AGXT2: variants seen among roughly 807,000 people sequenced by gnomAD.
The protein encoded by AGXT2 is alanine--glyoxylate aminotransferase 2.
Under a neutral mutation model 62.5 loss-of-function variants are expected in AGXT2, and 61 were observed. The observed-to-expected ratio is 0.98, with a 90% CI of 0.79 to 1.21. The LOEUF (loss-of-function observed/expected upper bound fraction) is 1.21. Among genes scored for constraint, AGXT2 ranks in the 50% most tolerant of loss-of-function variants. The pLI is 0.00. For synonymous variants in AGXT2, 243 were observed against 218.7 expected, an observed-to-expected ratio of 1.11 and a Z score of -0.98; for missense variants, 666 against 641.5, an observed-to-expected ratio of 1.04 and a Z score of -0.41.
chr5:35,030,725 T>C (rs11959896), intron 7 of AGXT2, among the ~76,000 whole-genome samples: 65,504 of 151,932 alleles, frequency 0.43, 15,516 homozygotes, highest in East Asian at 0.67. Flanking sequence ...AAGAGGAACA[T>C]ATAGCAGGAA....
At chr5:35,033,582 G>A in intron 5 of AGXT2, 29 bp from the exon 6 acceptor site, 1 of 1,574,760 alleles carries the variant, frequency 6.4e-7, no homozygotes, top group Non-Finnish European at 8.7e-7. Context: ...AGGAGGATGG[G>A]GTCAAGTTCC....
At position 35,033,538 on chromosome 5, in the gene AGXT2, T is replaced by C. The variant is rs1441935001; in HGVS notation, c.597A>G (p.Gly199=). 4.3e-6 allele frequency: 7 copies of C among 1,613,610 alleles called. No individual in the cohort carries two copies. Among genetic ancestry groups the C allele is most frequent in the Non-Finnish European group, 5.9e-6 (7 of 1,179,664 alleles). Residue 199 remains glycine (G), a synonymous_variant, in exon 6 of 14, where the codon GGA becomes GGG. Transcript: ENST00000231420. ...TCAAGCCAAGTGTGTAAGGACTGCATCCATGGTAGGCTCCTCTGCAGAGAA... is the reference window on the plus strand; with the variant it reads ...TCAAGCCAAGTGTGTAAGGACTGCACCCATGGTAGGCTCCTCTGCAGAGAA... ...DIISFRGAYH[G]CSPYTLGLTN... is the part of the protein sequence containing the mutation.
At chr5:35,020,431 A>G (rs528400009) in intron 9 of AGXT2, among the ~76,000 whole-genome samples, 109 of 152,352 alleles carry the variant, frequency 7.2e-4, no homozygotes, top group African/African-American at 2.5e-3. Flanking sequence ...ATGCAAATCA[A>G]TAAATGTAAT....
intron 7 of AGXT2, among the ~76,000 whole-genome samples, chr5:35,031,689 G>A (rs1193016606): frequency 6.6e-6 from 1 of 152,190 alleles, no homozygotes; most frequent in Non-Finnish European, 1.5e-5. Context: ...TTCTCCTTGT[G>A]AGAAAGCCTT....
At chr5:35,030,664 A>C (rs776225532) in intron 7 of AGXT2, among the ~76,000 whole-genome samples, 1 of 152,230 alleles carries the variant, frequency 6.6e-6, no homozygotes, top group African/African-American at 2.4e-5. Flanking sequence ...AAATTGGCTT[A>C]AGTAGTCCTA....
At chr5:35,030,120 C>T (rs1269226700) in intron 7 of AGXT2, among the ~76,000 whole-genome samples, 3 of 152,162 alleles carry the variant, frequency 2.0e-5, no homozygotes, top group African/African-American at 7.2e-5. Context: ...CTTCCCAGGT[C>T]CTAAAGGCAG....
intron 9 of AGXT2, among the ~76,000 whole-genome samples, chr5:35,015,668 G>C (rs752957979): frequency 2.6e-5 from 4 of 151,840 alleles, no homozygotes; most frequent in Non-Finnish European, 4.4e-5. Flanking sequence ...TGGCCAACAT[G>C]ATGAAACCTC....
At position 34,998,171 on chromosome 5, in the gene AGXT2, A is replaced by C. The variant is rs1766099640; in HGVS notation, c.*548T>G. The C allele has an allele frequency of 6.1e-6, 1 of 164,052 alleles. No individual in the cohort carries two copies. Among genetic ancestry groups the C allele is most frequent in the Non-Finnish European group, 1.3e-5 (1 of 74,512 alleles). The allele number at this position is 164,052 out of a possible 1,614,324, so 10.2% of individuals were successfully genotyped here. A position where few individuals can be genotyped will look rare whatever the true frequency, so the allele number is the denominator to read the frequency against. On this transcript the variant is annotated 3_prime_UTR_variant, in exon 14 of 14. Transcript: ENST00000231420. Reference sequence around the variant, plus strand: ...GGTAGGGTGGCTCCAGGAATGCTTAAGTGAGTGCTTCTTTGACATCACTAA... The same window carrying C: ...GGTAGGGTGGCTCCAGGAATGCTTACGTGAGTGCTTCTTTGACATCACTAA...
Position 35,035,325 on chromosome 5 carries a change from G to T in AGXT2, c.487-9C>A. 4 of 1,611,930 alleles carry T rather than the reference G, an allele frequency of 2.5e-6. No homozygotes were observed. Among genetic ancestry groups the T allele is most frequent in the Non-Finnish European group, 3.4e-6 (4 of 1,178,508 alleles). On this transcript the variant is annotated splice_polypyrimidine_tract_variant and intron_variant, in intron 4 of 13. Transcript: ENST00000231420. ...TTCACCAAGAAAATGACCTGGAGAGGAAAGGAAGACACGTGGCCTCATAAT... is the reference window on the plus strand; with the variant it reads ...TTCACCAAGAAAATGACCTGGAGAGTAAAGGAAGACACGTGGCCTCATAAT...
chr5:35,003,703 A>G (rs1766319636), intron 13 of AGXT2, 60 bp downstream of exon 13: 1 of 1,480,496 alleles, frequency 6.8e-7, no homozygotes. Flanking sequence ...TGTGACCAGC[A>G]TTAGGAAATC....
rs1439632463 is a variant in AGXT2, at chr5:35,047,697, C to T, written c.88+108G>A. ...TCAAAAACATGCCTCATCTCTAAGA[C>T]CTCACCCAGGTCTAACATTCCAGAA... On this transcript the variant is annotated intron_variant, in intron 1 of 13. Coordinates refer to ENST00000231420, the MANE Select transcript of AGXT2 (RefSeq NM_031900.4). The T allele has an allele frequency of 2.8e-6, 4 of 1,427,480 alleles. No homozygotes were observed. The Admixed American group carries it at 6.5e-5, about 23-fold the overall frequency. The allele number at this position is 1,427,480 out of a possible 1,614,324, so 88.4% of individuals were successfully genotyped here.
At position 35,011,436 on chromosome 5, in the gene AGXT2, G is replaced by A. The variant is rs187415918; in HGVS notation, c.1189-1287C>T. ...AGTTGTGCCCCTGCACTCCAGTCTG[G>A]GTGACAGAGCAAGACTCTTTCTAAA... On this transcript the variant is annotated intron_variant, in intron 11 of 13. Transcript: ENST00000231420. Among the ~76,000 whole-genome samples, 100 of 149,198 alleles carry A rather than the reference G, an allele frequency of 6.7e-4. 2 individuals are homozygous for A. Among genetic ancestry groups the A allele is most frequent in the African/African-American group, 2.4e-3 (96 of 40,266 alleles).
chr5:35,022,515 T>C (rs866244216), intron 9 of AGXT2, among the ~76,000 whole-genome samples: 7 of 138,404 alleles, frequency 5.1e-5, no homozygotes, highest in East Asian at 2.1e-4. Flanking sequence ...TAGGTGGGAA[T>C]TGAACAATGA....
In AGXT2 at chr5:35,019,719, A is replaced by G. The variant is rs192462537; in HGVS notation, c.964-5600T>C. Among the ~76,000 whole-genome samples the G allele has an allele frequency of 2.6e-3, 393 of 152,298 alleles. 1 individual carries two copies. Among genetic ancestry groups the G allele is most frequent in the African/African-American group, 9.2e-3 (381 of 41,582 alleles). ...AGCTAGAAGAAGGCAAGAAATAACT[A>G]AAATCAACAGAACTGAAGGAAATAG... On this transcript the variant is annotated intron_variant, in intron 9 of 13. Transcript: ENST00000231420.
At chr5:35,042,958 A>G (rs1227339722) in intron 1 of AGXT2, among the ~76,000 whole-genome samples, 1 of 152,218 alleles carries the variant, frequency 6.6e-6, no homozygotes, top group Non-Finnish European at 1.5e-5. Flanking sequence ...TTTCACTTCA[A>G]TTCACATGAG....
intron 4 of AGXT2, among the ~76,000 whole-genome samples, chr5:35,035,690 G>C (rs1303728422): frequency 2.0e-5 from 3 of 152,170 alleles, no homozygotes; most frequent in Non-Finnish European, 4.4e-5. Flanking sequence ...CCAGTCACCT[G>C]ATTCTAAAGG....
In AGXT2 at chr5:35,003,272, C is replaced by T. The variant is rs192454917; in HGVS notation, c.1437+491G>A. ...GGTGGTCCTCCATCTCTCCGACAGGCGTCACCCGGGCCTGCAGGTGCTGTC... is the reference window on the plus strand; with the variant it reads ...GGTGGTCCTCCATCTCTCCGACAGGTGTCACCCGGGCCTGCAGGTGCTGTC... On this transcript the variant is annotated intron_variant, in intron 13 of 13. Transcript: ENST00000231420. 4.0e-3 allele frequency among the ~76,000 whole-genome samples: 614 copies of T among 152,298 alleles called. 5 individuals are homozygous for T. The highest frequency in any genetic ancestry group is 2.8e-3 in the Non-Finnish European group (192 of 68,018).
At chr5:35,040,806 T>C in intron 1 of AGXT2, 143 bp from the exon 2 acceptor site, 1 of 730,654 alleles carries the variant, frequency 1.4e-6, no homozygotes, top group Non-Finnish European at 2.4e-6. Flanking sequence ...TTAGTTTGGA[T>C]TTAAAATCTG....
chr5:35,035,840 G>C (rs1767745518), intron 4 of AGXT2, among the ~76,000 whole-genome samples: 1 of 152,200 alleles, frequency 6.6e-6, no homozygotes, highest in Non-Finnish European at 1.5e-5. Context: ...ACTTTGGGAG[G>C]TTGAGGCGGG....
Sources: allele counts gnomAD v4.1 joint callset (sites outside exome capture counted in the v4.1 genomes callset), GRCh38; gene constraint gnomAD v4.1.1; transcripts MANE v1.5; gene names NCBI Gene and HGNC (gene_info 2026-07-23, HGNC 2026-07-21).